CSMD1: variants seen among roughly 807,000 people sequenced by gnomAD.
The protein encoded by CSMD1 is CUB and Sushi multiple domains 1.
Under a neutral mutation model 417.5 loss-of-function variants are expected in CSMD1, and 213 were observed. That is an observed-to-expected ratio of 0.51 (90% CI 0.46 to 0.57). CSMD1 has a LOEUF of 0.57. Among genes scored for constraint, CSMD1 ranks in the 20% least tolerant of loss-of-function variants. CSMD1 has a pLI of 0.00. For missense variants in CSMD1, 6,923 were observed against 4,529.7 expected (o/e 1.53, Z -15.17); for synonymous variants, 2,862 against 1,736.8 (o/e 1.65, Z -16.11).
At chr8:3,977,606 G>A (rs535891245) in intron 5 of CSMD1, among the ~76,000 whole-genome samples, 1 of 152,308 alleles carries the variant, frequency 6.6e-6, no homozygotes, top group African/African-American at 2.4e-5. Context: ...TATTTTCAAA[G>A]TGAGTGCTAA....
rs558037511 is a variant in CSMD1 at position 3,935,384 on chromosome 8, T to G, written c.818+62519A>C. ...TCATACACAGGCATACCTAATCTCT[T>G]TGGACTTTGCTCTATTGCATTTTGC... On this transcript the variant is annotated intron_variant, in intron 5 of 69. Coordinates refer to ENST00000635120, the MANE Select transcript of CSMD1 (RefSeq NM_033225.6). Among the ~76,000 whole-genome samples the G allele has an allele frequency of 8.5e-5, 13 of 152,332 alleles. No homozygotes were observed. In the East Asian group the frequency reaches 1.7e-3, roughly 20 times the overall value.
At chr8:3,989,882 T>C (rs1055298909) in intron 5 of CSMD1, among the ~76,000 whole-genome samples, 1 of 152,154 alleles carries the variant, frequency 6.6e-6, no homozygotes, top group Non-Finnish European at 1.5e-5. Flanking sequence ...TACCTTATTC[T>C]CCTAACCAGT....
At chr8:4,252,059 A>T (rs962506277) in intron 3 of CSMD1, among the ~76,000 whole-genome samples, 1 of 152,188 alleles carries the variant, frequency 6.6e-6, no homozygotes, top group East Asian at 1.9e-4. Context: ...ACAGAAGATC[A>T]TTCCCAGAAA....
At chr8:4,324,678 A>C (rs928002434) in intron 3 of CSMD1, among the ~76,000 whole-genome samples, 1 of 152,232 alleles carries the variant, frequency 6.6e-6, no homozygotes, top group Non-Finnish European at 1.5e-5. Context: ...CTCAGAGGAT[A>C]TAAGGGCAAA....
intron 10 of CSMD1, among the ~76,000 whole-genome samples, chr8:3,567,890 T>C (rs1427642192): frequency 6.6e-6 from 1 of 152,124 alleles, no homozygotes; most frequent in Non-Finnish European, 1.5e-5. Flanking sequence ...TCACTCTCCT[T>C]CTTCCTTCCA....
At chr8:4,746,321 C>T (rs544899873) in intron 1 of CSMD1, among the ~76,000 whole-genome samples, 13 of 152,242 alleles carry the variant, frequency 8.5e-5, no homozygotes, top group Admixed American at 2.0e-4. Flanking sequence ...CTCAGAATAG[C>T]GACTGTAGGC....
At chr8:4,411,914 G>A (rs1267962892) in intron 3 of CSMD1, among the ~76,000 whole-genome samples, 2 of 151,626 alleles carry the variant, frequency 1.3e-5, no homozygotes, top group African/African-American at 2.4e-5. Flanking sequence ...AATACACATA[G>A]GACTAAAAGG....
At chr8:4,099,206 G>C (rs112016904) in intron 3 of CSMD1, among the ~76,000 whole-genome samples, 3 of 148,494 alleles carry the variant, frequency 2.0e-5, no homozygotes, top group African/African-American at 7.4e-5. Context: ...ACACACACAC[G>C]CACACACACA....
chr8:3,996,188 T>C (rs1007462744), intron 5 of CSMD1, among the ~76,000 whole-genome samples: 8 of 103,334 alleles, frequency 7.7e-5, no homozygotes, highest in African/African-American at 1.9e-4. Context: ...CACTTGCTTC[T>C]ACCTCTCTCC....
chr8:3,494,458 G>T (rs1315207216), intron 10 of CSMD1, among the ~76,000 whole-genome samples: 2 of 151,850 alleles, frequency 1.3e-5, no homozygotes, highest in African/African-American at 2.4e-5. Context: ...AGGAGAAAAA[G>T]GAAAGAAGAT....
intron 3 of CSMD1, among the ~76,000 whole-genome samples, chr8:4,379,986 A>G (rs942244983): frequency 1.3e-5 from 2 of 152,226 alleles, no homozygotes; most frequent in Non-Finnish European, 2.9e-5. Flanking sequence ...ATGGAATAGC[A>G]TCAGTATTGC....
chr8:4,420,706 A>G (rs541018077), intron 2 of CSMD1, among the ~76,000 whole-genome samples: 1 of 152,154 alleles, frequency 6.6e-6, no homozygotes. Flanking sequence ...TCAGGATAGC[A>G]AAGGCCCCGT....
chr8:4,313,960 G>A (rs1219324461), intron 3 of CSMD1, among the ~76,000 whole-genome samples: 1 of 151,828 alleles, frequency 6.6e-6, no homozygotes, highest in Non-Finnish European at 1.5e-5. Context: ...GTTGCAGCGA[G>A]CCGAGACTGC....
At chr8:4,801,722 C>A (rs1361261045) in intron 1 of CSMD1, among the ~76,000 whole-genome samples, 1 of 151,664 alleles carries the variant, frequency 6.6e-6, no homozygotes, top group Non-Finnish European at 1.5e-5. Context: ...ACCCACCACC[C>A]CACATTAATA....
intron 12 of CSMD1, among the ~76,000 whole-genome samples, chr8:3,446,388 C>G (rs1431563182): frequency 6.6e-6 from 1 of 152,226 alleles, no homozygotes; most frequent in African/African-American, 2.4e-5. Flanking sequence ...TGGCTTTCAA[C>G]TGAGGATCTG....
At chr8:4,604,475 C>T (rs1464036292) in intron 2 of CSMD1, among the ~76,000 whole-genome samples, 3 of 151,646 alleles carry the variant, frequency 2.0e-5, no homozygotes, top group African/African-American at 2.4e-5. Flanking sequence ...GAATTTGTCC[C>T]GCTTCATTTC....
rs1163408399 is a variant in CSMD1 at position 2,938,667 on chromosome 8, A to G, written c.10613T>C (p.Met3538Thr). The change falls in exon 70 of 70, where the codon ATG becomes ACG. Residue 3538 changes from methionine to threonine, a missense_variant. By Grantham distance (81) the Met-to-Thr change is moderately conservative (BLOSUM62 -1). Coordinates refer to ENST00000635120, the MANE Select transcript of CSMD1 (RefSeq NM_033225.6). ...SNGQASFENP[M>T]YDTNLKPTEA... ...TGTGGGTTTTAAGTTTGTATCATAC[A>G]TGGGGTTTTCAAACGATGCTTGTCC... 2 of 1,611,838 alleles carry G rather than the reference A, an allele frequency of 1.2e-6. No homozygotes were observed. The highest frequency in any genetic ancestry group is 2.2e-5 in the East Asian group (1 of 44,814).
chr8:4,844,755 T>C (rs557807162), intron 1 of CSMD1, among the ~76,000 whole-genome samples: 3 of 152,356 alleles, frequency 2.0e-5, no homozygotes, highest in Admixed American at 6.5e-5. Context: ...ATCTCAGTGA[T>C]AAGCTTAATT....
chr8:4,632,977 C>A (rs918254640), intron 2 of CSMD1, among the ~76,000 whole-genome samples: 3 of 152,134 alleles, frequency 2.0e-5, no homozygotes, highest in Admixed American at 6.5e-5. Flanking sequence ...GGACAGAATG[C>A]AGTTTGGAGT....
Sources: allele counts gnomAD v4.1 joint callset (sites outside exome capture counted in the v4.1 genomes callset), GRCh38; gene constraint gnomAD v4.1.1; transcripts MANE v1.5; gene names NCBI Gene and HGNC (gene_info 2026-07-23, HGNC 2026-07-21).